The following MTIF2 variants were observed in gnomAD, a reference collection of about 807,000 sequenced individuals.
MTIF2 encodes the protein mitochondrial translational initiation factor 2.
A neutral mutation model predicts 83.5 loss-of-function variants in MTIF2; 71 were observed. That is an observed-to-expected ratio of 0.85 (90% CI 0.70 to 1.04). MTIF2 has a LOEUF of 1.04. MTIF2 is among the 50% of genes least tolerant of loss of function. MTIF2 has a pLI of 0.00. For synonymous variants in MTIF2, 319 were observed against 287.1 expected (o/e 1.11, Z -1.12); for missense variants, 957 against 846.5 (o/e 1.13, Z -1.62).
intron 9 of MTIF2, among the ~76,000 whole-genome samples, chr2:55,246,737 G>A (rs1460496549): frequency 6.6e-6 from 1 of 152,132 alleles, no homozygotes; most frequent in Non-Finnish European, 1.5e-5. Flanking sequence ...TTTTTTTAAA[G>A]GATGACCACT....
At chr2:55,262,541 C>CTTT (rs66500251) in intron 4 of MTIF2, 114 bp from the exon 5 acceptor site, 1,047 of 283,838 alleles carry the variant, frequency 3.7e-3, no homozygotes, top group Middle Eastern at 0.01. Context: ...CTTTTTTTTT[C>CTTT]TTTTTTTTTT....
intron 4 of MTIF2, 38 bp downstream of exon 4, chr2:55,263,602 T>C (rs1167595432): frequency 6.1e-6 from 9 of 1,484,226 alleles, no homozygotes; most frequent in Non-Finnish European, 8.3e-6. Context: ...AGGGTGAGAC[T>C]CCATCTCAAA....
chr2:55,246,892 C>A (rs1676739900), intron 9 of MTIF2, among the ~76,000 whole-genome samples: 1 of 152,142 alleles, frequency 6.6e-6, no homozygotes, highest in Non-Finnish European at 1.5e-5. Context: ...GATTTCACAT[C>A]TATTATTTCA....
Position 55,263,658 on chromosome 2 carries a change from C to A in MTIF2, c.201G>T (p.Arg67Ser). 6.2e-7 allele frequency: 1 copy of A among 1,613,126 alleles called. No homozygotes were observed. Among genetic ancestry groups the A allele is most frequent in the South Asian group, 1.1e-5 (1 of 90,922 alleles). Residue 67 changes from arginine (R) to serine (S), a missense_variant, in exon 4 of 16, where the codon AGG becomes AGT. Around this residue, in one of 3 missense-constraint regions of MTIF2, gnomAD observed 733 missense variants for 648.7 expected, o/e 1.13. Transcript: ENST00000263629. ...TAACTACCTTTTTTGTTACTAGAAG[C>A]CTATACTGAGATAAAGCAGCCCCAG... ...VLTGAALSQY[R>S]LLVTKKEEGP...
chr2:55,257,849 G>T (rs1164483146), intron 5 of MTIF2, among the ~76,000 whole-genome samples: 1 of 152,188 alleles, frequency 6.6e-6, no homozygotes, highest in East Asian at 1.9e-4. Context: ...TGGCTGGAGT[G>T]CAGTGGCACA....
chr2:55,254,565 A>T lies in MTIF2; in HGVS notation c.503+89T>A, dbSNP rs1293384840. The T allele has an allele frequency of 3.4e-6, 4 of 1,176,874 alleles. No homozygotes were observed. In the Admixed American group the frequency reaches 1.1e-4, roughly 32 times the overall value. 72.9% of individuals were successfully genotyped at this position (1,176,874 alleles called of 1,614,324 possible). The stretch of plus-strand genomic sequence containing the variant: ...ACACACATATCTTTATTACAAAAGA[A>T]ATTTTAAAGCAAATCTTTCCATTAA... On this transcript the variant is annotated intron_variant, in intron 6 of 15. Coordinates refer to ENST00000263629, the MANE Select transcript of MTIF2 (RefSeq NM_002453.3).
Position 55,243,549 on chromosome 2 carries a change from G to A in MTIF2, c.1431C>T (p.Ala477=). ...RKEHKEAHQK[A]REKYGHLLWK... ...ACAGTAGATGGCCATACTTCTCACG[G>A]GCTTTCTGATGTGCTTCTTTGTGTT... The change falls in exon 12 of 16, where the codon GCC becomes GCT. Residue 477 remains alanine, a synonymous_variant. Coordinates refer to ENST00000263629, the MANE Select transcript of MTIF2 (RefSeq NM_002453.3). 1 of 1,613,918 alleles carries A rather than the reference G, an allele frequency of 6.2e-7. No homozygotes were observed. The highest frequency in any genetic ancestry group is 1.1e-5 in the South Asian group (1 of 91,064).
chr2:55,254,824 A>C lies in MTIF2; in HGVS notation c.333T>G (p.Asp111Glu). Residue 111 changes from aspartate (D) to glutamate (E), a missense_variant and splice_region_variant, in exon 6 of 16, where the codon GAT becomes GAG. By Grantham distance (45) the Asp-to-Glu change is conservative (BLOSUM62 2). This residue lies in a region of MTIF2 where 733 missense variants were observed against 648.7 expected (regional missense o/e 1.13). Coordinates refer to ENST00000263629, the MANE Select transcript of MTIF2 (RefSeq NM_002453.3). ...TGTTCAATAAAGCTTCATATACATA[A>C]TCTGATTGGAATAAAATAAAACCTT... ...ELARAMEKNT[D>E]YVYEALLNTD... 1.9e-6 allele frequency: 3 copies of C among 1,557,234 alleles called. No individual in the cohort carries two copies. The highest frequency in any genetic ancestry group is 1.7e-6 in the Non-Finnish European group (2 of 1,155,348).
chr2:55,265,610 T>C (rs1425902561), intron 3 of MTIF2, among the ~76,000 whole-genome samples: 2 of 152,230 alleles, frequency 1.3e-5, no homozygotes, highest in East Asian at 3.9e-4. Flanking sequence ...TAGATTTTCT[T>C]TTACTCACTA....
Position 55,243,602 on chromosome 2 carries a change from G to C in MTIF2, c.1378C>G (p.Leu460Val), listed in dbSNP as rs1178827057. Residue 460 changes from leucine to valine, a missense_variant, in exon 12 of 16, where the codon CTG becomes GTG. Leu to Val is a conservative substitution (Grantham distance 32). This residue lies in a region of MTIF2 where 733 missense variants were observed against 648.7 expected (regional missense o/e 1.13). Transcript: ENST00000263629. ...TTTCGCTTTTCTTCTATTATTTTCA[G>C]ATCCTCCTGACCTTTCTCCTGTTCT... ...EQEQEKGQED[L>V]KIIEEKRKEH... The C allele has an allele frequency of 6.2e-7, 1 of 1,613,886 alleles. No homozygotes were observed. Among genetic ancestry groups the C allele is most frequent in the Admixed American group, 1.7e-5 (1 of 59,990 alleles).
chr2:55,241,706 G>A (rs1322396295), intron 13 of MTIF2, among the ~76,000 whole-genome samples: 1 of 152,008 alleles, frequency 6.6e-6, no homozygotes, highest in Non-Finnish European at 1.5e-5. Flanking sequence ...AGCCAGGTGT[G>A]GTCGTGGGTG....
chr2:55,243,325 A>G, intron 12 of MTIF2, 91 bp downstream of exon 12: 1 of 1,265,308 alleles, frequency 7.9e-7, no homozygotes, highest in Non-Finnish European at 1.1e-6. Flanking sequence ...TATTGAAATA[A>G]TTTTCATGTA....
intron 5 of MTIF2, among the ~76,000 whole-genome samples, chr2:55,257,652 T>C (rs1441338528): frequency 6.6e-6 from 1 of 152,218 alleles, no homozygotes; most frequent in Non-Finnish European, 1.5e-5. Context: ...CCATGGTTGA[T>C]TACAAGCTAC....
chr2:55,252,386 G>A, intron 8 of MTIF2, 91 bp downstream of exon 8: 1 of 1,097,174 alleles, frequency 9.1e-7, no homozygotes, highest in African/African-American at 1.6e-5. Context: ...TAATAACTCT[G>A]GGATTGTTGT....
intron 13 of MTIF2, among the ~76,000 whole-genome samples, chr2:55,241,080 A>G (rs540954299): frequency 2.0e-5 from 3 of 149,112 alleles, no homozygotes; most frequent in South Asian, 2.1e-4. Flanking sequence ...ACTTTGGGAG[A>G]AAAAAAAAAG....
At position 55,237,352 on chromosome 2, in the gene MTIF2, T is replaced by C. The variant is rs1435419575; in HGVS notation, c.1947A>G (p.Gln649=). The change falls in exon 15 of 16, where the codon CAA becomes CAG. Residue 649 remains glutamine, a synonymous_variant. Coordinates refer to ENST00000263629, the MANE Select transcript of MTIF2 (RefSeq NM_002453.3). ...KKVPVAGCRV[Q]KGQLEKQKKF... ...TTTTTTGTTTTTCTAACTGTCCCTTTTGGACTCTGCAGCCAGCCACAGGAA... is the reference window on the plus strand; with the variant it reads ...TTTTTTGTTTTTCTAACTGTCCCTTCTGGACTCTGCAGCCAGCCACAGGAA... The C allele has an allele frequency of 6.2e-7, 1 of 1,613,218 alleles. No individual in the cohort carries two copies. Among genetic ancestry groups the C allele is most frequent in the Non-Finnish European group, 8.5e-7 (1 of 1,179,944 alleles).
At chr2:55,265,366 C>T (rs1678353897) in intron 3 of MTIF2, among the ~76,000 whole-genome samples, 1 of 150,878 alleles carries the variant, frequency 6.6e-6, no homozygotes, top group Non-Finnish European at 1.5e-5. Flanking sequence ...GGTTCCATTC[C>T]ACAAACAGTT....
intron 13 of MTIF2, among the ~76,000 whole-genome samples, chr2:55,241,503 G>C (rs541170502): frequency 2.0e-5 from 3 of 151,668 alleles, no homozygotes; most frequent in African/African-American, 4.8e-5. Context: ...AACCCAAACA[G>C]TTTAATCAGG....
chr2:55,254,818 T>A lies in MTIF2; in HGVS notation c.339A>T (p.Val113=), dbSNP rs987800070. 6.4e-7 allele frequency: 1 copy of A among 1,567,716 alleles called. No individual in the cohort carries two copies. The highest frequency in any genetic ancestry group is 1.2e-5 in the South Asian group (1 of 83,258). ...TATCAGTGTTCAATAAAGCTTCATA[T>A]ACATAATCTGATTGGAATAAAATAA... ...ARAMEKNTDY[V]YEALLNTDID... The change falls in exon 6 of 16, where the codon GTA becomes GTT. Residue 113 remains valine (V), a synonymous_variant. Transcript: ENST00000263629.
Sources: gnomAD v4.1 joint callset for allele counts (sites outside exome capture counted in the v4.1 genomes callset) on GRCh38, gnomAD v4.1.1 for gene constraint, gnomAD v4.1.1 regional missense constraint, MANE v1.5 for transcripts, NCBI Gene and HGNC (gene_info 2026-07-23, HGNC 2026-07-21) for gene names.